TMEM156: variants seen among roughly 807,000 people sequenced by gnomAD.
TMEM156 encodes the protein transmembrane protein 156.
TMEM156 carries 28 observed loss-of-function variants against 30.5 expected under a neutral mutation model. The observed-to-expected ratio is 0.92, with a 90% CI of 0.68 to 1.26. The LOEUF (loss-of-function observed/expected upper bound fraction) is 1.26, where lower values mean the gene tolerates loss of function less well. Ranked by LOEUF, TMEM156 falls within the 50% of genes most tolerant of loss-of-function variation. The pLI is 0.00. For missense variants in TMEM156, 351 were observed against 340.6 expected, an observed-to-expected ratio of 1.03 and a Z score of -0.24; for synonymous variants, 137 against 119.9, an observed-to-expected ratio of 1.14 and a Z score of -0.93.
intron 5 of TMEM156, 27 bp from the exon 6 acceptor site, chr4:38,971,164 T>G: frequency 1.2e-6 from 2 of 1,607,764 alleles, no homozygotes; most frequent in Non-Finnish European, 1.7e-6. Context: ...ACTGTTTTAG[T>G]CTATATGTAG....
intron 3 of TMEM156, among the ~76,000 whole-genome samples, chr4:38,990,830 G>GTTTTTTTTTTTTGTTTTTTTTTTGTTTT (rs1560365255): frequency 1.2e-5 from 1 of 81,216 alleles, no homozygotes; most frequent in African/African-American, 4.6e-5. Context: ...TTGTTTTCTG[G>GTTTTTTTTTTTTGTTTTTTTTTTGTTTT]TTTTTTTTTT....
In TMEM156 at chr4:38,998,639, C is replaced by T; in HGVS notation, c.358+1G>A. 6.2e-7 allele frequency: 1 copy of T among 1,607,666 alleles called. No homozygotes were observed. Among genetic ancestry groups the T allele is most frequent in the Non-Finnish European group, 8.5e-7 (1 of 1,176,426 alleles). On this transcript the variant is annotated splice_donor_variant, in intron 2 of 6. Transcript: ENST00000381938. LOFTEE classifies it high-confidence loss of function. The stretch of plus-strand genomic sequence containing the variant: ...TATTCTCACCTTCACTTTGTGTTTA[C>T]CTTTTGATGTTTGTTCCTGAGAAAT...
intron 5 of TMEM156, among the ~76,000 whole-genome samples, chr4:38,984,994 T>G (rs1426690215): frequency 7.8e-6 from 1 of 127,678 alleles, no homozygotes; most frequent in East Asian, 2.5e-4. Context: ...CTATATGGGT[T>G]GACGGGGGAA....
chr4:38,991,861 T>C (rs1712490978), intron 3 of TMEM156, among the ~76,000 whole-genome samples: 1 of 152,162 alleles, frequency 6.6e-6, no homozygotes, highest in East Asian at 1.9e-4. Context: ...TAGGCAATCT[T>C]TCCAGAGTCC....
intron 1 of TMEM156, among the ~76,000 whole-genome samples, chr4:39,021,130 C>A (rs1714837039): frequency 6.6e-6 from 1 of 152,138 alleles, no homozygotes; most frequent in Admixed American, 6.5e-5. Flanking sequence ...CAGCCTGATG[C>A]AGTGGTTGAT....
At chr4:38,999,278 A>G (rs985850344) in intron 1 of TMEM156, among the ~76,000 whole-genome samples, 2 of 152,020 alleles carry the variant, frequency 1.3e-5, no homozygotes, top group African/African-American at 4.8e-5. Flanking sequence ...CACCATGCCC[A>G]GCCAATTTTT....
At chr4:39,023,029 T>A (rs1432606129) in intron 1 of TMEM156, among the ~76,000 whole-genome samples, 2 of 152,106 alleles carry the variant, frequency 1.3e-5, no homozygotes, top group African/African-American at 4.8e-5. Flanking sequence ...TCCAATATGA[T>A]GGTATTTGAA....
intron 5 of TMEM156, among the ~76,000 whole-genome samples, chr4:38,977,243 C>T (rs575380760): frequency 7.9e-5 from 12 of 152,102 alleles, no homozygotes; most frequent in African/African-American, 2.7e-4. Context: ...TCAAAAGAGC[C>T]TATTCATGAA....
intron 5 of TMEM156, 65 bp downstream of exon 5, chr4:38,986,271 G>T: frequency 1.8e-6 from 2 of 1,093,520 alleles, no homozygotes; most frequent in Non-Finnish European, 2.8e-6. Flanking sequence ...AGTTTACTGT[G>T]TAGTGAAACC....
chr4:38,974,201 T>TTC lies in TMEM156; in HGVS notation c.824-3066_824-3065dup, dbSNP rs1273479627. ...AATGATTTATTTATTTTTTCTTTCT[T>TTC]TCTCTCTTTTTTTTTTTTTTTTAGA... On this transcript the variant is annotated intron_variant, in intron 5 of 6. Coordinates refer to ENST00000381938, the MANE Select transcript of TMEM156 (RefSeq NM_024943.3). Among the ~76,000 whole-genome samples, 100 of 143,764 alleles carry TTC rather than the reference T, an allele frequency of 7.0e-4. 4 individuals carry two copies. In the South Asian group the frequency reaches 0.022, roughly 31 times the overall value. The allele number at this position is 143,764 out of a possible 152,430, so 94.3% of individuals were successfully genotyped here.
At chr4:39,003,058 T>G (rs570131886) in intron 1 of TMEM156, among the ~76,000 whole-genome samples, 1 of 151,990 alleles carries the variant, frequency 6.6e-6, no homozygotes, top group African/African-American at 2.4e-5. Context: ...AAAAATGAAA[T>G]AAAATAATTA....
chr4:38,983,742 C>T (rs1327952488), intron 5 of TMEM156, among the ~76,000 whole-genome samples: 1 of 152,186 alleles, frequency 6.6e-6, no homozygotes, highest in Non-Finnish European at 1.5e-5. Context: ...TTCTTCAAGA[C>T]AGTCAATGTT....
intron 3 of TMEM156, among the ~76,000 whole-genome samples, chr4:38,992,095 G>A (rs998876984): frequency 2.0e-5 from 3 of 152,182 alleles, no homozygotes; most frequent in East Asian, 1.9e-4. Flanking sequence ...TTGCTTTAAA[G>A]TGAATGTAAT....
intron 5 of TMEM156, among the ~76,000 whole-genome samples, chr4:38,979,384 G>A (rs931903955): frequency 8.5e-5 from 13 of 152,236 alleles, no homozygotes; most frequent in Non-Finnish European, 1.3e-4. Flanking sequence ...CTTTCGCAAA[G>A]CTAGTGTGGC....
At chr4:39,002,419 C>G (rs1459396171) in intron 1 of TMEM156, among the ~76,000 whole-genome samples, 1 of 137,714 alleles carries the variant, frequency 7.3e-6, no homozygotes, top group Admixed American at 7.3e-5. Context: ...AATAGGAACA[C>G]TTTTACACTG....
At chr4:38,976,289 C>CAA (rs34271253) in intron 5 of TMEM156, among the ~76,000 whole-genome samples, 51 of 74,124 alleles carry the variant, frequency 6.9e-4, no homozygotes, top group Non-Finnish European at 9.2e-4. Context: ...GACTCCGTCT[C>CAA]AAAAAAAAAA....
chr4:39,030,747 C>A (rs7669682), intron 1 of TMEM156, among the ~76,000 whole-genome samples: 10,950 of 119,452 alleles, frequency 0.092, 580 homozygotes, highest in South Asian at 0.3. Context: ...AGCTAGCTAG[C>A]TAGATAGATA....
At position 38,970,599 on chromosome 4, in the gene TMEM156, T is replaced by C. The variant is rs372344695; in HGVS notation, c.*38+433A>G. Among the ~76,000 whole-genome samples, 10 of 152,214 alleles carry C rather than the reference T, an allele frequency of 6.6e-5. 1 individual carries two copies. In the East Asian group the frequency reaches 9.6e-4, roughly 15 times the overall value. ...ATTTCAACACTTTTGACCATACTTT[T>C]AGACTTAAATTCATGGAAATCAATA... On this transcript the variant is annotated intron_variant, in intron 6 of 6. Transcript: ENST00000381938.
At chr4:38,996,149 A>ATAT (rs531776811) in intron 2 of TMEM156, among the ~76,000 whole-genome samples, 102 of 152,262 alleles carry the variant, frequency 6.7e-4, no homozygotes, top group Admixed American at 2.6e-3. Context: ...CAACAAAGAT[A>ATAT]TATGGCCTAT....
Sources: gnomAD v4.1 joint callset for allele counts (sites outside exome capture counted in the v4.1 genomes callset) on GRCh38, gnomAD v4.1.1 for gene constraint, MANE v1.5 for transcripts, NCBI Gene and HGNC (gene_info 2026-07-23, HGNC 2026-07-21) for gene names.